Variants in LINGO2 observed in about 807,000 individuals in gnomAD.
The protein encoded by LINGO2 is leucine rich repeat and Ig domain containing 2, also known as leucine-rich repeat and immunoglobulin-like domain-containing nogo receptor-interacting protein 2.
Under a neutral mutation model 30.6 loss-of-function variants are expected in LINGO2, and 14 were observed. The ratio of observed to expected loss-of-function variants is 0.46; its 90% CI spans 0.30 to 0.72. The LOEUF (loss-of-function observed/expected upper bound fraction) is 0.72, where lower values mean the gene tolerates loss of function less well. Ranked by LOEUF, LINGO2 falls within the 30% of genes least tolerant of loss-of-function variation. The pLI is 0.07. For missense variants in LINGO2, 729 were observed against 751.7 expected (o/e 0.97, Z 0.35); for synonymous variants, 317 against 288.5 (o/e 1.10, Z -1.00).
chr9:28,370,839 A>G (rs556252062), intron 3 of LINGO2, among the ~76,000 whole-genome samples: 1 of 152,320 alleles, frequency 6.6e-6, no homozygotes, highest in African/African-American at 2.4e-5. Context: ...CAGTTTACGT[A>G]TTTAACCTCT....
chr9:28,523,336 T>C (rs1054136520), intron 1 of LINGO2, among the ~76,000 whole-genome samples: 1 of 152,020 alleles, frequency 6.6e-6, no homozygotes, highest in Non-Finnish European at 1.5e-5. Context: ...AAAGAGCATC[T>C]ACAGAAAACC....
chr9:28,908,950 C>G, the LINGO2 span, among the ~76,000 whole-genome samples: 2 of 151,736 alleles, frequency 1.3e-5, no homozygotes, highest in African/African-American at 2.4e-5. Context: ...TCTTCACTGT[C>G]TTCTGGTATA....
chr9:28,348,429 C>T (rs1424511671), intron 3 of LINGO2, among the ~76,000 whole-genome samples: 3 of 152,066 alleles, frequency 2.0e-5, no homozygotes, highest in Admixed American at 6.5e-5. Flanking sequence ...CAGAATACTG[C>T]GCTTTTCTGA....
intron 1 of LINGO2, among the ~76,000 whole-genome samples, chr9:28,628,879 T>A (rs1248066682): frequency 6.6e-6 from 1 of 152,122 alleles, no homozygotes; most frequent in African/African-American, 2.4e-5. Context: ...TCATAAGTGC[T>A]AGTGTGTAAT....
intron 4 of LINGO2, among the ~76,000 whole-genome samples, chr9:28,061,974 A>G (rs897336042): frequency 1.3e-5 from 2 of 152,130 alleles, no homozygotes; most frequent in African/African-American, 2.4e-5. Context: ...ATGATGAAAT[A>G]TATGTTTAGT....
chr9:28,248,302 C>T (rs1822074764), intron 4 of LINGO2, among the ~76,000 whole-genome samples: 1 of 152,066 alleles, frequency 6.6e-6, no homozygotes, highest in South Asian at 2.1e-4. Context: ...CTGTCATTTG[C>T]AACAACAGGG....
intron 1 of LINGO2, among the ~76,000 whole-genome samples, chr9:28,478,371 A>G (rs1320856349): frequency 2.0e-5 from 3 of 152,018 alleles, no homozygotes; most frequent in African/African-American, 4.8e-5. Context: ...TTGCTTCTCA[A>G]GCTTAAAACA....
At chr9:29,033,378 C>CTATATATATATATATATA in the LINGO2 span, among the ~76,000 whole-genome samples, 100 of 140,846 alleles carry the variant, frequency 7.1e-4, 1 homozygote, top group African/African-American at 1.5e-3. Context: ...AACTGCTTTA[C>CTATATATATATATATATA]TATATATATA....
chr9:28,777,297 A>C, the LINGO2 span, among the ~76,000 whole-genome samples: 1 of 152,210 alleles, frequency 6.6e-6, no homozygotes, highest in Non-Finnish European at 1.5e-5. Flanking sequence ...AACAATCATT[A>C]TTTCAGAAGA....
chr9:29,074,065 G>C, the LINGO2 span, among the ~76,000 whole-genome samples: 1 of 151,938 alleles, frequency 6.6e-6, no homozygotes. Flanking sequence ...ATCATAAAGA[G>C]ACTTTGTGAA....
the LINGO2 span, among the ~76,000 whole-genome samples, chr9:29,202,676 T>G: frequency 6.6e-6 from 1 of 152,114 alleles, no homozygotes; most frequent in East Asian, 1.9e-4. Context: ...CATTTATTTC[T>G]ATTGAATCAA....
chr9:28,160,565 C>T (rs725470), intron 4 of LINGO2, among the ~76,000 whole-genome samples: 12,409 of 152,152 alleles, frequency 0.082, 576 homozygotes, highest in East Asian at 0.2. Context: ...TTTCTGTTCC[C>T]CTCCTGCCCC....
At chr9:28,765,522 G>C in the LINGO2 span, among the ~76,000 whole-genome samples, 13 of 152,204 alleles carry the variant, frequency 8.5e-5, no homozygotes, top group Non-Finnish European at 1.6e-4. Flanking sequence ...CCTCCCAAAG[G>C]AGTGAATGAG....
At chr9:28,849,190 A>G in the LINGO2 span, among the ~76,000 whole-genome samples, 3 of 152,026 alleles carry the variant, frequency 2.0e-5, no homozygotes, top group African/African-American at 7.2e-5. Context: ...TTTAAAACTT[A>G]CACACAACAA....
intron 4 of LINGO2, among the ~76,000 whole-genome samples, chr9:28,289,000 G>A (rs908954221): frequency 2.0e-5 from 3 of 152,130 alleles, no homozygotes; most frequent in African/African-American, 7.2e-5. Context: ...CTATAGTAAT[G>A]TAATCCTAAG....
rs555131557 is a variant in LINGO2 at position 28,210,376 on chromosome 9, C to T, written c.-87+84832G>A. On this transcript the variant is annotated intron_variant, in intron 4 of 5. Coordinates refer to ENST00000379992, the Ensembl canonical transcript of LINGO2. ...ACTTTATTGTTCTGTTTTCTATCCT[C>T]GAACTCCATCACTTTGATGTGATAT... 9.2e-5 allele frequency among the ~76,000 whole-genome samples: 14 copies of T among 151,510 alleles called. No homozygotes were observed. The South Asian group carries it at 2.7e-3, about 29-fold the overall frequency.
At chr9:28,963,903 T>A in the LINGO2 span, among the ~76,000 whole-genome samples, 1 of 151,850 alleles carries the variant, frequency 6.6e-6, no homozygotes, top group Non-Finnish European at 1.5e-5. Context: ...ATTGTATATG[T>A]CAAAATAGCT....
the LINGO2 span, among the ~76,000 whole-genome samples, chr9:29,145,898 TG>T: frequency 1.3e-5 from 2 of 152,186 alleles, no homozygotes. Flanking sequence ...TATGTATTTA[TG>T]TTATATGTGT....
At chr9:28,264,955 A>G (rs529421945) in intron 4 of LINGO2, among the ~76,000 whole-genome samples, 1 of 151,900 alleles carries the variant, frequency 6.6e-6, no homozygotes, top group Non-Finnish European at 1.5e-5. Flanking sequence ...AGAGAAGAAG[A>G]AATTCTGCCT....
Sources: gnomAD v4.1 joint callset for allele counts (sites outside exome capture counted in the v4.1 genomes callset) on GRCh38, gnomAD v4.1.1 for gene constraint, MANE v1.5 for transcripts, NCBI Gene and HGNC (gene_info 2026-07-23, HGNC 2026-07-21) for gene names.